LIN7A: variants seen among roughly 807,000 people sequenced by gnomAD.
LIN7A encodes the protein lin-7 cell polarity scaffold A.
LIN7A carries 25 observed loss-of-function variants against 29.8 expected under a neutral mutation model. The ratio of observed to expected loss-of-function variants is 0.84; its 90% CI spans 0.61 to 1.17. The LOEUF is 1.17. Among genes scored for constraint, LIN7A ranks in the 50% most tolerant of loss-of-function variants. LIN7A has a pLI of 0.00. For synonymous variants in LIN7A, 118 were observed against 107.5 expected, an observed-to-expected ratio of 1.10 and a Z score of -0.60; for missense variants, 239 against 287.0, an observed-to-expected ratio of 0.83 and a Z score of 1.21.
At chr12:80,829,035 C>T (rs2121526279) in intron 4 of LIN7A, among the ~76,000 whole-genome samples, 1 of 152,038 alleles carries the variant, frequency 6.6e-6, no homozygotes. Flanking sequence ...ATACAATAGC[C>T]CAGTATCATC....
At chr12:80,805,303 C>T (rs11114624) in intron 5 of LIN7A, among the ~76,000 whole-genome samples, 8 of 151,928 alleles carry the variant, frequency 5.3e-5, no homozygotes, top group Non-Finnish European at 7.4e-5. Flanking sequence ...GGATAGTTTT[C>T]GTAATAATTC....
intron 5 of LIN7A, among the ~76,000 whole-genome samples, chr12:80,807,990 G>A (rs1393585529): frequency 5.3e-5 from 8 of 152,026 alleles, no homozygotes; most frequent in South Asian, 2.1e-4. Flanking sequence ...AGTGGCTTCC[G>A]GTGCAATAAA....
At chr12:80,851,021 T>C (rs1873304694) in intron 2 of LIN7A, among the ~76,000 whole-genome samples, 1 of 152,196 alleles carries the variant, frequency 6.6e-6, no homozygotes, top group Admixed American at 6.6e-5. Flanking sequence ...GTTGCAGATT[T>C]GATACAGCAA....
At chr12:80,822,833 C>A (rs1287288847) in intron 4 of LIN7A, among the ~76,000 whole-genome samples, 2 of 151,998 alleles carry the variant, frequency 1.3e-5, no homozygotes, top group East Asian at 3.9e-4. Context: ...CAGGCAGACT[C>A]CTGGGTGGAA....
At chr12:80,799,431 T>C (rs966952183) in intron 5 of LIN7A, among the ~76,000 whole-genome samples, 2 of 152,188 alleles carry the variant, frequency 1.3e-5, no homozygotes, top group African/African-American at 4.8e-5. Context: ...TAAATATGTT[T>C]GATTACATGA....
intron 4 of LIN7A, among the ~76,000 whole-genome samples, chr12:80,815,848 T>C (rs1025052808): frequency 1.3e-5 from 2 of 152,130 alleles, no homozygotes; most frequent in African/African-American, 2.4e-5. Flanking sequence ...TCTGGTAAAA[T>C]TGGATTTTAT....
intron 5 of LIN7A, among the ~76,000 whole-genome samples, chr12:80,807,067 T>TGTTTTG (rs1871035142): frequency 2.9e-5 from 2 of 69,566 alleles, no homozygotes; most frequent in African/African-American, 1.2e-4. Flanking sequence ...GATGGAGTTT[T>TGTTTTG]TTTTTTTTTT....
At chr12:80,887,908 A>G (rs932352114) in intron 2 of LIN7A, among the ~76,000 whole-genome samples, 15 of 152,104 alleles carry the variant, frequency 9.9e-5, no homozygotes, top group Non-Finnish European at 2.1e-4. Context: ...TGGTCATCAA[A>G]TTTCGGGGGA....
At chr12:80,884,216 T>G (rs1875212920) in intron 2 of LIN7A, among the ~76,000 whole-genome samples, 2 of 152,220 alleles carry the variant, frequency 1.3e-5, no homozygotes. Flanking sequence ...AACATAGTTT[T>G]AAAACATTTT....
intron 2 of LIN7A, among the ~76,000 whole-genome samples, chr12:80,851,385 T>G (rs1035769346): frequency 1.3e-5 from 2 of 148,670 alleles, no homozygotes; most frequent in African/African-American, 5.0e-5. Flanking sequence ...CAAAACACAA[T>G]AGATTCTGAT....
intron 1 of LIN7A, among the ~76,000 whole-genome samples, chr12:80,921,178 CAAG>C (rs1877282205): frequency 6.6e-6 from 1 of 152,066 alleles, no homozygotes; most frequent in Non-Finnish European, 1.5e-5. Context: ...GAGGACACAG[CAAG>C]AAGGTGTCCT....
At chr12:80,845,653 T>C (rs1873036737) in intron 4 of LIN7A, 77 bp downstream of exon 4, 1 of 1,152,638 alleles carries the variant, frequency 8.7e-7, no homozygotes, top group Non-Finnish European at 1.3e-6. Context: ...GTTTTCAACG[T>C]TGACTTCAGT....
At chr12:80,868,322 A>C (rs913561886) in intron 2 of LIN7A, among the ~76,000 whole-genome samples, 4 of 152,206 alleles carry the variant, frequency 2.6e-5, no homozygotes, top group African/African-American at 9.6e-5. Context: ...TAATCCCAGC[A>C]CTTTGGGAGG....
At chr12:80,863,309 A>G (rs555314948) in intron 2 of LIN7A, among the ~76,000 whole-genome samples, 2 of 152,356 alleles carry the variant, frequency 1.3e-5, no homozygotes, top group African/African-American at 4.8e-5. Context: ...GATAATTGAT[A>G]TAGAGGCAGT....
At chr12:80,935,708 A>G (rs746560530) in intron 1 of LIN7A, 3 of 450,970 alleles carry the variant, frequency 6.7e-6, no homozygotes, top group Non-Finnish European at 1.5e-5. Flanking sequence ...TTGGTTATAG[A>G]TTTTCCATGA....
intron 1 of LIN7A, 124 bp downstream of exon 1, chr12:80,937,517 G>A (rs1423652615): frequency 1.7e-6 from 1 of 589,658 alleles, no homozygotes; most frequent in African/African-American, 1.9e-5. Context: ...CGCCTTCCTG[G>A]CTCGTCCTCG....
chr12:80,864,889 A>C (rs1874060739), intron 2 of LIN7A, among the ~76,000 whole-genome samples: 1 of 152,178 alleles, frequency 6.6e-6, no homozygotes, highest in African/African-American at 2.4e-5. Flanking sequence ...AAATCCTATA[A>C]AAATCTAAGT....
intron 4 of LIN7A, chr12:80,832,488 C>T (rs1180151574): frequency 2.1e-6 from 1 of 467,528 alleles, no homozygotes; most frequent in African/African-American, 2.0e-5. Context: ...CCACACAGAA[C>T]ATTCAATTGA....
In LIN7A at chr12:80,937,650, G is replaced by C. The variant is rs1361646222; in HGVS notation, c.73C>G (p.Leu25Val). The C allele has an allele frequency of 3.2e-6, 5 of 1,566,724 alleles. No individual in the cohort carries two copies. The highest frequency in any genetic ancestry group is 4.3e-6 in the Non-Finnish European group (5 of 1,153,104). ...CGAGCCGCTCCCTTACCTCTGTCCA[G>C]GGTGAGCGGCTGGACCACTGTCAAT... is the stretch of plus-strand genomic sequence containing the variant. ...ATLTVVQPLTLDRDVARAIEL... is the reference protein window; with the variant it reads ...ATLTVVQPLTVDRDVARAIEL... The change falls in exon 1 of 6, where the codon CTG (leucine) becomes GTG (valine). Residue 25 changes from leucine (L) to valine (V), a missense_variant. Leu to Val is a conservative substitution (Grantham distance 32). Coordinates refer to ENST00000552864, the MANE Select transcript of LIN7A (RefSeq NM_004664.4).
Sources: gnomAD v4.1 joint callset for allele counts (sites outside exome capture counted in the v4.1 genomes callset) on GRCh38, gnomAD v4.1.1 for gene constraint, MANE v1.5 for transcripts, NCBI Gene and HGNC (gene_info 2026-07-23, HGNC 2026-07-21) for gene names.